Variants in MTA1 observed in about 807,000 individuals in gnomAD.
MTA1 encodes the protein metastasis-associated protein MTA1.
Under a neutral mutation model 97.0 loss-of-function variants are expected in MTA1, and 15 were observed. The observed-to-expected ratio is 0.15, with a 90% CI of 0.10 to 0.24. MTA1 has a LOEUF of 0.24. MTA1 is among the 10% of genes least tolerant of loss of function. MTA1 has a pLI of 1.00. For missense variants in MTA1, 709 were observed against 1,015.1 expected (o/e 0.70, Z 4.10); for synonymous variants, 435 against 417.5 (o/e 1.04, Z -0.51).
chr14:105,426,658 C>T (rs910390200), intron 1 of MTA1, among the ~76,000 whole-genome samples: 4 of 152,142 alleles, frequency 2.6e-5, no homozygotes, highest in Non-Finnish European at 5.9e-5. Flanking sequence ...CCCTGGGGGC[C>T]GCTGTCCCCA....
At chr14:105,449,183 G>A in intron 3 of MTA1, 176 bp from the exon 4 acceptor site, 4 of 569,578 alleles carry the variant, frequency 7.0e-6, no homozygotes, top group Admixed American at 3.3e-5. Flanking sequence ...AGAGTGGGGG[G>A]ACGTCGAGGC....
rs587670754 is a variant in MTA1, at chr14:105,464,101, G to A, written c.1146G>A (p.Ala382=). 3.2e-5 allele frequency: 52 copies of A among 1,612,100 alleles called. No homozygotes were observed. The highest frequency in any genetic ancestry group is 1.5e-4 in the Admixed American group (9 of 59,900). The change falls in exon 13 of 21, where the codon GCG becomes GCA. Residue 382 remains alanine (A), a synonymous_variant. Transcript: ENST00000331320. ...VKAGVVNGTG[A]PGQSPGAGRA... is the part of the protein sequence containing the mutation. Reference sequence around the variant, plus strand: ...CCGGTGTGGTGAACGGCACGGGGGCGCCGGGCCAGAGCCCTGGGGCTGGCC... The same window carrying A: ...CCGGTGTGGTGAACGGCACGGGGGCACCGGGCCAGAGCCCTGGGGCTGGCC...
At position 105,463,084 on chromosome 14, in the gene MTA1, G is replaced by C; in HGVS notation, c.943-100G>C. 8.3e-7 allele frequency: 1 copy of C among 1,200,292 alleles called. No individual in the cohort carries two copies. The highest frequency in any genetic ancestry group is 1.2e-6 in the Non-Finnish European group (1 of 831,064). 74.4% of individuals were successfully genotyped at this position (1,200,292 alleles called of 1,614,324 possible). ...AGCACACCTCGCCCTCTGGCCTCCC[G>C]CCCCCTCTGTGGCCTTCTGGCCGCA... is the stretch of plus-strand genomic sequence containing the variant. On this transcript the variant is annotated intron_variant, in intron 10 of 20. Coordinates refer to ENST00000331320, the MANE Select transcript of MTA1 (RefSeq NM_004689.4). The surrounding 1 kb of genome is among the most constrained non-coding windows in gnomAD (Gnocchi z 5.9).
chr14:105,451,914 C>T (rs2082958079), intron 6 of MTA1, among the ~76,000 whole-genome samples: 1 of 151,814 alleles, frequency 6.6e-6, no homozygotes, highest in South Asian at 2.1e-4. Context: ...TCTCAGCCTC[C>T]CGAGTAGCTG....
At chr14:105,469,534 T>C (rs372222992) in intron 19 of MTA1, 36 bp downstream of exon 19, 1 of 1,609,390 alleles carries the variant, frequency 6.2e-7, no homozygotes, top group Non-Finnish European at 8.5e-7. Flanking sequence ...TACGGTGCGC[T>C]CACCCATGAG....
intron 10 of MTA1, among the ~76,000 whole-genome samples, chr14:105,461,831 C>T (rs2039126938): frequency 6.6e-6 from 1 of 152,116 alleles, no homozygotes; most frequent in African/African-American, 2.4e-5. Context: ...GAGAGCTTGG[C>T]CGGGCGGGAG....
Position 105,469,342 on chromosome 14 carries a change from G to T in MTA1, c.1814-125G>T. 2.8e-6 allele frequency: 3 copies of T among 1,088,066 alleles called. No individual in the cohort carries two copies. The South Asian group carries it at 3.9e-5, about 14-fold the overall frequency. 67.4% of individuals were successfully genotyped at this position (1,088,066 alleles called of 1,614,324 possible). Reference sequence around the variant, plus strand: ...CGTCCCCCAGGCCCATCCTGGGTGTGGGCTGTGGCTTGGTTGGCAGATGGC... The same window carrying T: ...CGTCCCCCAGGCCCATCCTGGGTGTTGGCTGTGGCTTGGTTGGCAGATGGC... On this transcript the variant is annotated intron_variant, in intron 18 of 20. Coordinates refer to ENST00000331320, the MANE Select transcript of MTA1 (RefSeq NM_004689.4).
Position 105,470,439 on chromosome 14 carries a change from T to C in MTA1, c.*224T>C, listed in dbSNP as rs1567054442. On this transcript the variant is annotated 3_prime_UTR_variant, in exon 21 of 21. Coordinates refer to ENST00000331320, the MANE Select transcript of MTA1 (RefSeq NM_004689.4). ...CGTTTTTAGCTTTGTGTTTACTTTT[T>C]GGCTGGAGCGGAGATGAGGGGCCAC... is the stretch of plus-strand genomic sequence containing the variant. The C allele has an allele frequency of 6.3e-6, 3 of 477,536 alleles. No homozygotes were observed. The highest frequency in any genetic ancestry group is 1.1e-5 in the Non-Finnish European group (3 of 279,052). 29.6% of individuals were successfully genotyped at this position (477,536 alleles called of 1,614,324 possible).
At position 105,455,365 on chromosome 14, in the gene MTA1, C is replaced by T. The variant is rs587656966; in HGVS notation, c.550+1055C>T. 1.9e-3 allele frequency among the ~76,000 whole-genome samples: 285 copies of T among 152,330 alleles called. 2 individuals carry two copies. Among genetic ancestry groups the T allele is most frequent in the Non-Finnish European group, 3.1e-3 (209 of 68,034 alleles). On this transcript the variant is annotated intron_variant, in intron 7 of 20. Transcript: ENST00000331320. ...GATGCTGGCAGCCTCCTCCCTCCAC[C>T]GGGTGCTTCGGTAGCCCTGGTGGGA... is the stretch of plus-strand genomic sequence containing the variant.
intron 1 of MTA1, among the ~76,000 whole-genome samples, chr14:105,437,557 C>T (rs150423839): frequency 8.5e-4 from 130 of 152,358 alleles, no homozygotes; most frequent in Middle Eastern, 6.8e-3. Context: ...GTGCCAGCAG[C>T]AGGAGGGAGA....
rs376908767 is a variant in MTA1 at position 105,463,832 on chromosome 14, C to T, written c.1077-200C>T. The T allele has an allele frequency of 7.8e-4, 510 of 652,188 alleles. 11 individuals are homozygous for T. Among genetic ancestry groups the T allele is most frequent in the South Asian group, 5.3e-3 (285 of 54,140 alleles). The allele number at this position is 652,188 out of a possible 1,614,324, so 40.4% of individuals were successfully genotyped here. A position where few individuals can be genotyped will look rare whatever the true frequency, so the allele number is the denominator to read the frequency against. ...GCTGGGCTCCATGCTAGGGGGAGCACGGGGGCCTGGAGAACGGCTCAGACC... is the reference window on the plus strand; with the variant it reads ...GCTGGGCTCCATGCTAGGGGGAGCATGGGGGCCTGGAGAACGGCTCAGACC... On this transcript the variant is annotated intron_variant, in intron 12 of 20. Coordinates refer to ENST00000331320, the MANE Select transcript of MTA1 (RefSeq NM_004689.4). This position sits in a 1 kb window ranked among gnomAD's most constrained non-coding sequence, Gnocchi z 5.9.
rs782283499 is a variant in MTA1 at position 105,464,777 on chromosome 14, G to A, written c.1448G>A (p.Arg483Gln). 2 of 1,608,526 alleles carry A rather than the reference G, an allele frequency of 1.2e-6. No individual in the cohort carries two copies. Among genetic ancestry groups the A allele is most frequent in the Admixed American group, 1.7e-5 (1 of 59,844 alleles). Residue 483 changes from arginine to glutamine, a missense_variant, in exon 15 of 21, where the codon CGG (arginine) becomes CAG (glutamine). By Grantham distance (43) the Arg-to-Gln change is conservative (BLOSUM62 1). Transcript: ENST00000331320. ...LHTTKLTRIA[R>Q]RLCREILRPW... is the part of the protein sequence containing the mutation. ...ACGACGAAGCTGACGCGGATCGCCCGGCGCCTGTGCCGTGAGATCCTGCGC... is the reference window on the plus strand; with the variant it reads ...ACGACGAAGCTGACGCGGATCGCCCAGCGCCTGTGCCGTGAGATCCTGCGC...
intron 1 of MTA1, among the ~76,000 whole-genome samples, chr14:105,431,569 A>G (rs587615900): frequency 6.6e-6 from 1 of 152,356 alleles, no homozygotes; most frequent in South Asian, 2.1e-4. Context: ...AAAAGCCTAT[A>G]GTTATTCATT....
At chr14:105,466,354 T>G in intron 16 of MTA1, 72 bp from the exon 17 acceptor site, 3 of 1,385,592 alleles carry the variant, frequency 2.2e-6, no homozygotes, top group Non-Finnish European at 3.0e-6. Context: ...CCATGAGGGC[T>G]GGAGCCTGGG....
intron 18 of MTA1, chr14:105,467,480 C>T (rs2083643731): frequency 4.4e-6 from 2 of 455,862 alleles, no homozygotes; most frequent in African/African-American, 2.0e-5. Flanking sequence ...GGCATTCTCT[C>T]GAGGCTGCTG....
chr14:105,439,556 A>T (rs1595312853), intron 2 of MTA1, among the ~76,000 whole-genome samples: 3 of 152,060 alleles, frequency 2.0e-5, no homozygotes, highest in Admixed American at 6.5e-5. Flanking sequence ...CGCTGTCCTC[A>T]GGGGTGGTGG....
intron 1 of MTA1, among the ~76,000 whole-genome samples, chr14:105,429,733 G>A (rs186454548): frequency 1.7e-4 from 24 of 144,242 alleles, no homozygotes; most frequent in African/African-American, 4.7e-4. Flanking sequence ...GATTACAGAC[G>A]TGAGCCACTG....
intron 3 of MTA1, among the ~76,000 whole-genome samples, chr14:105,447,125 GA>G (rs1393646068): frequency 1.3e-5 from 2 of 152,204 alleles, no homozygotes; most frequent in African/African-American, 2.4e-5. Flanking sequence ...CTTAGTGTTG[GA>G]GGCTGGCCTA....
chr14:105,462,556 C>T (rs1235560429), intron 10 of MTA1, among the ~76,000 whole-genome samples: 4 of 150,316 alleles, frequency 2.7e-5, no homozygotes, highest in South Asian at 2.1e-4. Flanking sequence ...GGCGACAGTG[C>T]GAGACTCTGT....
Sources: allele counts gnomAD v4.1 joint callset (sites outside exome capture counted in the v4.1 genomes callset), GRCh38; gene constraint gnomAD v4.1.1; non-coding constraint Gnocchi (gnomAD v3.1); transcripts MANE v1.5; gene names NCBI Gene and HGNC (gene_info 2026-07-23, HGNC 2026-07-21).